The following SLC16A4 variants were observed in gnomAD, a reference collection of about 807,000 sequenced individuals.
SLC16A4 encodes the protein solute carrier family 16 member 4.
SLC16A4 carries 39 observed loss-of-function variants against 47.9 expected under a neutral mutation model. That is an observed-to-expected ratio of 0.81 (90% CI 0.63 to 1.06). The LOEUF is 1.06. Ranked by LOEUF, SLC16A4 falls within the 50% of genes least tolerant of loss-of-function variation. The pLI is 0.00. For missense variants in SLC16A4, 524 were observed against 573.8 expected, an observed-to-expected ratio of 0.91 and a Z score of 0.89; for synonymous variants, 189 against 199.9, an observed-to-expected ratio of 0.95 and a Z score of 0.46.
intron 8 of SLC16A4, among the ~76,000 whole-genome samples, chr1:110,374,265 TCCTGACCTCAGGTGATCCAC>T (rs1661859175): frequency 6.6e-6 from 1 of 152,136 alleles, no homozygotes; most frequent in South Asian, 2.1e-4. Context: ...GGTCTCGAAC[TCCTGACCTCAGGTGATCCAC>T]CCACTTGGAC....
chr1:110,375,688 G>GCC (rs1198280244), intron 7 of SLC16A4, 137 bp from the exon 8 acceptor site: 2 of 549,134 alleles, frequency 3.6e-6, no homozygotes, highest in African/African-American at 3.7e-5. Flanking sequence ...TTGGCTTTTT[G>GCC]CCCCCAATAT....
At chr1:110,369,375 G>A (rs1219599593) in intron 8 of SLC16A4, among the ~76,000 whole-genome samples, 3 of 152,078 alleles carry the variant, frequency 2.0e-5, no homozygotes, top group East Asian at 1.9e-4. Context: ...CGATGTGGGC[G>A]GATTGCTTGA....
intron 6 of SLC16A4, among the ~76,000 whole-genome samples, chr1:110,377,974 C>T (rs1190656085): frequency 2.0e-5 from 3 of 152,152 alleles, no homozygotes; most frequent in Admixed American, 6.5e-5. Flanking sequence ...CTACTACAGG[C>T]GCCCGCAACC....
intron 8 of SLC16A4, among the ~76,000 whole-genome samples, chr1:110,374,340 C>T (rs1452608594): frequency 6.6e-6 from 1 of 152,126 alleles, no homozygotes; most frequent in Non-Finnish European, 1.5e-5. Flanking sequence ...TGCGCCTGGC[C>T]CCTTTCTCAG....
chr1:110,364,537 C>T (rs574008246), intron 8 of SLC16A4, among the ~76,000 whole-genome samples: 27 of 129,894 alleles, frequency 2.1e-4, no homozygotes, highest in African/African-American at 7.7e-4. Context: ...GAGGCTTGCT[C>T]TGTCACCCAG....
At chr1:110,380,056 C>A (rs1226021595) in intron 5 of SLC16A4, among the ~76,000 whole-genome samples, 1 of 35,770 alleles carries the variant, frequency 2.8e-5, no homozygotes, top group Non-Finnish European at 6.1e-5. Context: ...GAGAGCCTGT[C>A]TCAAAAAAAA....
chr1:110,364,775 T>A (rs979703301), intron 8 of SLC16A4, among the ~76,000 whole-genome samples: 1 of 152,140 alleles, frequency 6.6e-6, no homozygotes, highest in Non-Finnish European at 1.5e-5. Flanking sequence ...CCTCCCAAAG[T>A]GCTGGGATTA....
Position 110,389,248 on chromosome 1 carries a change from G to A in SLC16A4, c.76C>T (p.His26Tyr). ...AAGTGAATTCTTACCAGGAAAAAAT[G>A]AATCACAATCATCCATCCCCATCCT... ...DGGWGWMIVI[H>Y]FFLVNVFVMG... The change falls in exon 2 of 9, where the codon CAT becomes TAT. Residue 26 changes from histidine to tyrosine, a missense_variant. His to Tyr is a moderately conservative substitution (Grantham distance 83). Coordinates refer to ENST00000369779, the MANE Select transcript of SLC16A4 (RefSeq NM_004696.3). The A allele has an allele frequency of 6.2e-7, 1 of 1,613,648 alleles. No homozygotes were observed. Among genetic ancestry groups the A allele is most frequent in the Non-Finnish European group, 8.5e-7 (1 of 1,179,542 alleles).
In SLC16A4 at chr1:110,389,265, C is replaced by A; in HGVS notation, c.59G>T (p.Gly20Val). The change falls in exon 2 of 9, where the codon GGA becomes GTA. Residue 20 changes from glycine to valine, a missense_variant. Coordinates refer to ENST00000369779, the MANE Select transcript of SLC16A4 (RefSeq NM_004696.3). ...GAAAAAATGAATCACAATCATCCAT[C>A]CCCATCCTCCATCCAGGGTTTTAGT... ...PYTKTLDGGW[G>V]WMIVIHFFLV... 6.2e-7 allele frequency: 1 copy of A among 1,613,920 alleles called. No homozygotes were observed. The highest frequency in any genetic ancestry group is 8.5e-7 in the Non-Finnish European group (1 of 1,179,768).
intron 8 of SLC16A4, among the ~76,000 whole-genome samples, chr1:110,365,817 G>C (rs1661346099): frequency 1.3e-5 from 2 of 152,160 alleles, no homozygotes; most frequent in Admixed American, 6.5e-5. Context: ...GGTCTCAGAA[G>C]TAACACCCTG....
rs147538077 is a variant in SLC16A4, at chr1:110,379,157, C to T, written c.726G>A (p.Thr242=). 5.5e-5 allele frequency: 89 copies of T among 1,614,170 alleles called. No individual in the cohort carries two copies. The highest frequency in any genetic ancestry group is 4.5e-4 in the East Asian group (20 of 44,884). Residue 242 remains threonine, a synonymous_variant, in exon 6 of 9, where the codon ACG becomes ACA. Transcript: ENST00000369779. The part of the protein sequence containing the change: ...TEESTIKDST[T]QKAGLPSKNL... ...TTTTGCTAGGTAGTCCAGCCTTCTG[C>T]GTAGTACTGTCCTTGATGGTAGACT...
chr1:110,381,176 C>G (rs1480685544), intron 4 of SLC16A4, 33 bp from the exon 5 acceptor site: 2 of 1,596,406 alleles, frequency 1.3e-6, no homozygotes, highest in Non-Finnish European at 1.7e-6. Context: ...TAGAATCACT[C>G]TTACATTAAG....
chr1:110,379,782 T>G (rs1483585074), intron 5 of SLC16A4: 1 of 158,262 alleles, frequency 6.3e-6, no homozygotes, highest in Non-Finnish European at 1.4e-5. Flanking sequence ...GCTGGCCAGG[T>G]GCTATGGCTC....
At chr1:110,382,799 C>A in intron 3 of SLC16A4, 35 bp downstream of exon 3, 1 of 1,495,606 alleles carries the variant, frequency 6.7e-7, no homozygotes. Flanking sequence ...TGTGGTTCTT[C>A]TCCTTAGACA....
At chr1:110,369,900 C>G (rs759388717) in intron 8 of SLC16A4, among the ~76,000 whole-genome samples, 26 of 152,220 alleles carry the variant, frequency 1.7e-4, no homozygotes, top group Non-Finnish European at 3.5e-4. Context: ...ATTTAAATTT[C>G]AGGGCCTTTT....
Position 110,381,134 on chromosome 1 carries a change from G to C in SLC16A4, c.374C>G (p.Ser125Cys). 3 of 1,613,878 alleles carry C rather than the reference G, an allele frequency of 1.9e-6. No homozygotes were observed. Among genetic ancestry groups the C allele is most frequent in the Non-Finnish European group, 2.5e-6 (3 of 1,179,876 alleles). ...VTMGLLPGLG[S>C]AFLYQVAAVV... ...AGCAGCCACTTGGTATAAGAAAGCA[G>C]AACCCAAACCTAAAAGAAAAACGTA... Residue 125 changes from serine to cysteine, a missense_variant, in exon 5 of 9, where the codon TCT (serine) becomes TGT (cysteine). Coordinates refer to ENST00000369779, the MANE Select transcript of SLC16A4 (RefSeq NM_004696.3).
chr1:110,381,127 G>C lies in SLC16A4; in HGVS notation c.381C>G (p.Phe127Leu), dbSNP rs377189979. 3.1e-6 allele frequency: 5 copies of C among 1,614,058 alleles called. No homozygotes were observed. In the South Asian group the frequency reaches 3.3e-5, roughly 11 times the overall value. Residue 127 changes from phenylalanine (F) to leucine (L), a missense_variant, in exon 5 of 9, where the codon TTC becomes TTG. By Grantham distance (22) the Phe-to-Leu change is conservative. Transcript: ENST00000369779. ...TTACCACAGCAGCCACTTGGTATAAGAAAGCAGAACCCAAACCTAAAAGAA... is the reference window on the plus strand; with the variant it reads ...TTACCACAGCAGCCACTTGGTATAACAAAGCAGAACCCAAACCTAAAAGAA... ...MGLLPGLGSA[F>L]LYQVAAVVTT...
At chr1:110,385,195 CA>C (rs1357027207) in intron 2 of SLC16A4, among the ~76,000 whole-genome samples, 2 of 152,168 alleles carry the variant, frequency 1.3e-5, no homozygotes, top group African/African-American at 4.8e-5. Context: ...CAGGGTTCTG[CA>C]ATCAGTCTGC....
At chr1:110,364,168 T>C (rs1661237712) in intron 8 of SLC16A4, among the ~76,000 whole-genome samples, 1 of 152,224 alleles carries the variant, frequency 6.6e-6, no homozygotes, top group Admixed American at 6.5e-5. Flanking sequence ...GCCGCTATTA[T>C]GAAGAAAATA....
Sources: gnomAD v4.1 joint callset for allele counts (sites outside exome capture counted in the v4.1 genomes callset) on GRCh38, gnomAD v4.1.1 for gene constraint, MANE v1.5 for transcripts, NCBI Gene and HGNC (gene_info 2026-07-23, HGNC 2026-07-21) for gene names.